Variants in REV3L observed in about 807,000 individuals in gnomAD.
REV3L encodes the protein DNA polymerase zeta catalytic subunit.
Under a neutral mutation model 299.4 loss-of-function variants are expected in REV3L, and 69 were observed. The observed-to-expected ratio is 0.23, with a 90% CI of 0.19 to 0.28. The LOEUF is 0.28. Ranked by LOEUF, REV3L falls within the 10% of genes least tolerant of loss-of-function variation. The pLI, the probability that REV3L is intolerant of heterozygous loss-of-function variation, is 1.00. For missense variants in REV3L, 3,128 were observed against 3,693.8 expected (o/e 0.85, Z 3.97); for synonymous variants, 1,238 against 1,271.4 (o/e 0.97, Z 0.56).
At chr6:111,391,743 T>A (rs549196294) in intron 5 of REV3L, among the ~76,000 whole-genome samples, 2 of 152,296 alleles carry the variant, frequency 1.3e-5, no homozygotes, top group African/African-American at 2.4e-5. Flanking sequence ...AAAATTTTTT[T>A]AAATTAGCCA....
intron 31 of REV3L, among the ~76,000 whole-genome samples, chr6:111,303,157 T>TTTC (rs2114682053): frequency 1.1e-5 from 1 of 92,992 alleles, no homozygotes; most frequent in African/African-American, 4.5e-5. Context: ...TGAGGCTTTC[T>TTTC]TTTCTTTCTT....
At position 111,313,941 on chromosome 6, in the gene REV3L, T is replaced by C. The variant is rs573866084; in HGVS notation, c.8467-452A>G. Among the ~76,000 whole-genome samples the C allele has an allele frequency of 3.7e-4, 56 of 152,362 alleles. 1 individual carries two copies. Among genetic ancestry groups the C allele is most frequent in the Middle Eastern group, 6.8e-3 (2 of 294 alleles). ...ACATAGTTCATTGTTACTTCCTATATGGAGTCTCCCTATCCAGCCCAGGAG... is the reference window on the plus strand; with the variant it reads ...ACATAGTTCATTGTTACTTCCTATACGGAGTCTCCCTATCCAGCCCAGGAG... On this transcript the variant is annotated intron_variant, in intron 27 of 31. Coordinates refer to ENST00000368802, the MANE Select transcript of REV3L (RefSeq NM_001372078.1).
intron 26 of REV3L, among the ~76,000 whole-genome samples, chr6:111,316,776 C>A (rs1009873864): frequency 6.6e-6 from 1 of 151,802 alleles, no homozygotes. Context: ...CATCTGTAAT[C>A]ATATCATATA....
At chr6:111,453,435 G>C (rs1789787777) in intron 1 of REV3L, among the ~76,000 whole-genome samples, 1 of 152,120 alleles carries the variant, frequency 6.6e-6, no homozygotes, top group South Asian at 2.1e-4. Flanking sequence ...GGGCTCAAAT[G>C]AGATTATCTA....
intron 1 of REV3L, chr6:111,471,984 C>A: frequency 8.6e-7 from 1 of 1,159,970 alleles, no homozygotes. Context: ...CCCTCACCCC[C>A]AATATATTAA....
chr6:111,444,194 C>A (rs368425388), intron 1 of REV3L, among the ~76,000 whole-genome samples: 1 of 152,284 alleles, frequency 6.6e-6, no homozygotes, highest in East Asian at 1.9e-4. Flanking sequence ...AGAAAAGGAA[C>A]TGATTGCCCA....
intron 24 of REV3L, 87 bp from the exon 25 acceptor site, chr6:111,329,825 CAACT>C: frequency 1.0e-6 from 1 of 984,898 alleles, no homozygotes; most frequent in Non-Finnish European, 1.5e-6. Context: ...TAATAATGGC[CAACT>C]GTCAGGAATT....
intron 13 of REV3L, among the ~76,000 whole-genome samples, chr6:111,369,353 G>A (rs965211168): frequency 9.9e-5 from 15 of 151,242 alleles, no homozygotes; most frequent in African/African-American, 3.4e-4. Flanking sequence ...TCAGCAGCAT[G>A]GTAATTGCTA....
At chr6:111,441,530 T>C (rs1456969450) in intron 1 of REV3L, among the ~76,000 whole-genome samples, 2 of 152,144 alleles carry the variant, frequency 1.3e-5, no homozygotes, top group Non-Finnish European at 2.9e-5. Flanking sequence ...AGATTACAGG[T>C]GCGAGCCACC....
chr6:111,448,365 G>T (rs1213677240), intron 1 of REV3L, among the ~76,000 whole-genome samples: 3 of 151,764 alleles, frequency 2.0e-5, no homozygotes, highest in Non-Finnish European at 4.4e-5. Flanking sequence ...TTGAGACAAG[G>T]TCTCGCTCTG....
chr6:111,307,356 T>C lies in REV3L; in HGVS notation c.9252+5A>G, dbSNP rs769339623. On this transcript the variant is annotated splice_donor_5th_base_variant and intron_variant, in intron 31 of 31. Coordinates refer to ENST00000368802, the MANE Select transcript of REV3L (RefSeq NM_001372078.1). ...TGATTCTGGGCCCATGGAACAAAACTGTACCTTTACAAGTTGCTCCTGTTG... is the reference window on the plus strand; with the variant it reads ...TGATTCTGGGCCCATGGAACAAAACCGTACCTTTACAAGTTGCTCCTGTTG... 2.5e-5 allele frequency: 41 copies of C among 1,613,316 alleles called. No individual in the cohort carries two copies. The highest frequency in any genetic ancestry group is 3.3e-5 in the Non-Finnish European group (39 of 1,179,372).
At chr6:111,323,410 T>C (rs901776430) in intron 25 of REV3L, among the ~76,000 whole-genome samples, 1 of 152,214 alleles carries the variant, frequency 6.6e-6, no homozygotes, top group African/African-American at 2.4e-5. Context: ...ATAATGTCTT[T>C]CAATATCATT....
intron 20 of REV3L, among the ~76,000 whole-genome samples, chr6:111,346,355 CTAT>C (rs1777021009): frequency 6.6e-6 from 1 of 152,138 alleles, no homozygotes; most frequent in South Asian, 2.1e-4. Flanking sequence ...ATAAGCATTA[CTAT>C]TTAAGAGGTA....
At chr6:111,357,234 A>T in intron 17 of REV3L, 109 bp from the exon 18 acceptor site, 1 of 361,604 alleles carries the variant, frequency 2.8e-6, no homozygotes, top group Non-Finnish European at 4.8e-6. Context: ...TACTACTGAA[A>T]TATTTCAAAT....
At position 111,343,243 on chromosome 6, in the gene REV3L, GAACA is replaced by G. The variant is rs1201583044; in HGVS notation, c.7538+678_7538+681del. On this transcript the variant is annotated intron_variant, in intron 21 of 31. Transcript: ENST00000368802. ...TTGAATACTATTTAATAATAAGAAT[GAACA>G]AACTATTTATGCAACAGAAATACAT... Among the ~76,000 whole-genome samples, 4 of 152,266 alleles carry G rather than the reference GAACA, an allele frequency of 2.6e-5. No homozygotes were observed. In the East Asian group the frequency reaches 5.8e-4, roughly 22 times the overall value.
chr6:111,335,365 G>T, intron 22 of REV3L, 104 bp downstream of exon 22: 1 of 1,265,720 alleles, frequency 7.9e-7, no homozygotes, highest in Non-Finnish European at 1.1e-6. Flanking sequence ...CTATTGATTA[G>T]TTGGTACCAA....
At chr6:111,459,465 C>T (rs1308703936) in intron 1 of REV3L, among the ~76,000 whole-genome samples, 1 of 151,888 alleles carries the variant, frequency 6.6e-6, no homozygotes, top group East Asian at 1.9e-4. Context: ...CAAGAGAAAC[C>T]ATTAACAGAG....
intron 13 of REV3L, among the ~76,000 whole-genome samples, chr6:111,372,393 CA>C (rs1779888455): frequency 6.6e-6 from 1 of 152,128 alleles, no homozygotes; most frequent in Non-Finnish European, 1.5e-5. Context: ...TAGGTGTAAC[CA>C]TCCAGTTAGT....
intron 1 of REV3L, among the ~76,000 whole-genome samples, chr6:111,476,824 T>C (rs1027383773): frequency 2.0e-5 from 3 of 152,212 alleles, no homozygotes; most frequent in Admixed American, 6.5e-5. Flanking sequence ...CATGCAATCA[T>C]GCATTTTGGT....
Sources: allele counts gnomAD v4.1 joint callset (sites outside exome capture counted in the v4.1 genomes callset), GRCh38; gene constraint gnomAD v4.1.1; transcripts MANE v1.5; gene names NCBI Gene and HGNC (gene_info 2026-07-23, HGNC 2026-07-21).